POU2F1: variants seen among roughly 807,000 people sequenced by gnomAD.
POU2F1 encodes POU domain, class 2, transcription factor 1.
A neutral mutation model predicts 84.9 loss-of-function variants in POU2F1; 16 were observed. That is an observed-to-expected ratio of 0.19 (90% CI 0.13 to 0.29). The LOEUF (loss-of-function observed/expected upper bound fraction) is 0.29, where lower values mean the gene tolerates loss of function less well. Ranked by LOEUF, POU2F1 falls within the 10% of genes least tolerant of loss-of-function variation. The pLI, the probability that POU2F1 is intolerant of heterozygous loss-of-function variation, is 1.00. For synonymous variants in POU2F1, 368 were observed against 368.3 expected, an observed-to-expected ratio of 1.00 and a Z score of 0.01; for missense variants, 738 against 942.6, an observed-to-expected ratio of 0.78 and a Z score of 2.84.
intron 1 of POU2F1, among the ~76,000 whole-genome samples, chr1:167,292,033 G>A (rs1042933666): frequency 1.3e-5 from 2 of 151,456 alleles, no homozygotes; most frequent in African/African-American, 4.9e-5. Context: ...CTGTGCGTGT[G>A]TGTGTGTGTG....
At chr1:167,269,595 A>G (rs1652215247) in intron 1 of POU2F1, among the ~76,000 whole-genome samples, 1 of 152,014 alleles carries the variant, frequency 6.6e-6, no homozygotes, top group African/African-American at 2.4e-5. Flanking sequence ...TGAAATTAAA[A>G]CTCTGTTATT....
intron 13 of POU2F1, among the ~76,000 whole-genome samples, chr1:167,410,849 T>A (rs1230227354): frequency 1.3e-5 from 2 of 152,090 alleles, no homozygotes; most frequent in Non-Finnish European, 2.9e-5. Context: ...CTACTAGAAA[T>A]TTTTAAATTA....
intron 8 of POU2F1, 82 bp downstream of exon 8, chr1:167,384,033 A>T: frequency 8.6e-7 from 1 of 1,160,432 alleles, no homozygotes; most frequent in Non-Finnish European, 1.2e-6. Context: ...TTTTTTTTTA[A>T]ATCTAATAAA....
In POU2F1 at chr1:167,334,370, C is replaced by T. The variant is rs902612246; in HGVS notation, c.127+1835C>T. Among the ~76,000 whole-genome samples the T allele has an allele frequency of 9.2e-5, 14 of 151,806 alleles. No homozygotes were observed. In the East Asian group the frequency reaches 2.1e-3, roughly 23 times the overall value. ...AGAGACAGGGTTTCACCATGTTGGCCGGCTGGTCTTGAACTCTGTGGGCAT... is the reference window on the plus strand; with the variant it reads ...AGAGACAGGGTTTCACCATGTTGGCTGGCTGGTCTTGAACTCTGTGGGCAT... On this transcript the variant is annotated intron_variant, in intron 2 of 15. Coordinates refer to ENST00000367866, the MANE Select transcript of POU2F1 (RefSeq NM_002697.4).
intron 1 of POU2F1, among the ~76,000 whole-genome samples, chr1:167,226,130 C>T (rs1648614746): frequency 6.6e-6 from 1 of 152,202 alleles, no homozygotes; most frequent in African/African-American, 2.4e-5. Context: ...TTTCTGATCC[C>T]TCCTTAAATG....
intron 1 of POU2F1, among the ~76,000 whole-genome samples, chr1:167,295,382 C>T (rs144720496): frequency 6.6e-6 from 1 of 152,306 alleles, no homozygotes; most frequent in African/African-American, 2.4e-5. Context: ...TTTGCAGCAA[C>T]TTGGTTGGAG....
intron 1 of POU2F1, among the ~76,000 whole-genome samples, chr1:167,252,395 T>A (rs1401635674): frequency 6.6e-6 from 1 of 152,176 alleles, no homozygotes; most frequent in East Asian, 1.9e-4. Context: ...AGCACGTATG[T>A]TTGTAGTTCT....
intron 1 of POU2F1, among the ~76,000 whole-genome samples, chr1:167,267,199 G>C (rs1244727247): frequency 6.6e-6 from 1 of 151,738 alleles, no homozygotes; most frequent in Non-Finnish European, 1.5e-5. Context: ...ATATTAAATG[G>C]GGTGGGGGGA....
chr1:167,371,025 A>G (rs1312248221), intron 4 of POU2F1, among the ~76,000 whole-genome samples: 1 of 152,222 alleles, frequency 6.6e-6, no homozygotes, highest in Non-Finnish European at 1.5e-5. Flanking sequence ...GCTAATGACT[A>G]AAGACCTTGG....
At chr1:167,322,728 CACAA>C (rs1195040533) in intron 1 of POU2F1, among the ~76,000 whole-genome samples, 1 of 152,176 alleles carries the variant, frequency 6.6e-6, no homozygotes, top group Non-Finnish European at 1.5e-5. Flanking sequence ...AGCTGAGAGC[CACAA>C]ACAAAGCTTT....
chr1:167,351,866 C>G (rs1314619578), intron 2 of POU2F1, among the ~76,000 whole-genome samples: 1 of 152,136 alleles, frequency 6.6e-6, no homozygotes, highest in East Asian at 1.9e-4. Flanking sequence ...GTAATGTTTC[C>G]TCTCTCATTT....
At chr1:167,271,365 A>C (rs1652355735) in intron 1 of POU2F1, among the ~76,000 whole-genome samples, 1 of 152,216 alleles carries the variant, frequency 6.6e-6, no homozygotes, top group Admixed American at 6.5e-5. Context: ...TTGTGACTAA[A>C]ACTTGCCTTT....
rs1650920202 is a variant in POU2F1, at chr1:167,425,850, T to C, written c.*10040T>C. On this transcript the variant is annotated 3_prime_UTR_variant, in exon 16 of 16. Coordinates refer to ENST00000367866, the MANE Select transcript of POU2F1 (RefSeq NM_002697.4). ...ACATGCAGAAAGATTATCAAGCTTT[T>C]CATTTCTCTTTATTGTAGTTTTCTT... 1 of 152,220 alleles carries C rather than the reference T, an allele frequency of 6.6e-6. No homozygotes were observed. The highest frequency in any genetic ancestry group is 1.5e-5 in the Non-Finnish European group (1 of 68,058). The allele number at this position is 152,220 out of a possible 1,614,324, so 9.4% of individuals were successfully genotyped here.
intron 1 of POU2F1, among the ~76,000 whole-genome samples, chr1:167,221,409 GCGGGCGGCCGGGGC>G (rs1043601050): frequency 2.3e-4 from 34 of 149,736 alleles, no homozygotes; most frequent in Admixed American, 1.5e-3. Flanking sequence ...TAGGGCGCGG[GCGGGCGGCCGGGGC>G]CGGGCGGGCG....
chr1:167,393,785 G>A (rs1214584546), intron 9 of POU2F1, among the ~76,000 whole-genome samples: 3 of 152,086 alleles, frequency 2.0e-5, no homozygotes, highest in Admixed American at 2.0e-4. Context: ...AGCTTATTGT[G>A]CAGTTACTAT....
In POU2F1 at chr1:167,374,589, T is replaced by G. The variant is rs745870157; in HGVS notation, c.591+293T>G. Among the ~76,000 whole-genome samples, 51 of 152,218 alleles carry G rather than the reference T, an allele frequency of 3.4e-4. 1 individual carries two copies. Among genetic ancestry groups the G allele is most frequent in the Non-Finnish European group, 7.5e-4 (51 of 68,034 alleles). On this transcript the variant is annotated intron_variant, in intron 6 of 15. Coordinates refer to ENST00000367866, the MANE Select transcript of POU2F1 (RefSeq NM_002697.4). ...ATTTTTGAAGCAGGGGATTACTGTA[T>G]TTATTTTAATTAGCTAATTACAGCA...
At chr1:167,363,056 C>A (rs77500376) in intron 2 of POU2F1, among the ~76,000 whole-genome samples, 3 of 152,046 alleles carry the variant, frequency 2.0e-5, no homozygotes, top group African/African-American at 4.8e-5. Flanking sequence ...CTCCTCCCCC[C>A]CAAGGCAGAA....
Position 167,236,275 on chromosome 1 carries a change from G to A in POU2F1, c.61+15317G>A, listed in dbSNP as rs970298187. Among the ~76,000 whole-genome samples the A allele has an allele frequency of 3.3e-4, 50 of 151,886 alleles. 1 individual carries two copies. The highest frequency in any genetic ancestry group is 2.2e-3 in the Admixed American group (34 of 15,256). On this transcript the variant is annotated intron_variant, in intron 1 of 15. Coordinates refer to ENST00000367866, the MANE Select transcript of POU2F1 (RefSeq NM_002697.4). ...CTGCCACCATGCCTGGCCAATTTTTGTATTTTTAGTAGAGATGGAGTTTCA... is the reference window on the plus strand; with the variant it reads ...CTGCCACCATGCCTGGCCAATTTTTATATTTTTAGTAGAGATGGAGTTTCA...
chr1:167,315,252 T>C (rs1016371656), intron 1 of POU2F1, among the ~76,000 whole-genome samples: 10 of 152,340 alleles, frequency 6.6e-5, no homozygotes, highest in Admixed American at 6.5e-4. Flanking sequence ...CTTCTGTGCA[T>C]TTATCCCAGA....
Sources: gnomAD v4.1 joint callset for allele counts (sites outside exome capture counted in the v4.1 genomes callset) on GRCh38, gnomAD v4.1.1 for gene constraint, MANE v1.5 for transcripts, NCBI Gene and HGNC (gene_info 2026-07-23, HGNC 2026-07-21) for gene names.